SERPINB9: variants seen among roughly 807,000 people sequenced by gnomAD.
SERPINB9 encodes the protein serpin B9.
A neutral mutation model predicts 27.2 loss-of-function variants in SERPINB9; 20 were observed. The ratio of observed to expected loss-of-function variants is 0.74; its 90% CI spans 0.52 to 1.07. The LOEUF is 1.07. Among genes scored for constraint, SERPINB9 ranks in the 50% least tolerant of loss-of-function variants. SERPINB9 has a pLI of 0.00. For synonymous variants in SERPINB9, 189 were observed against 180.0 expected (o/e 1.05, Z -0.40); for missense variants, 476 against 460.1 (o/e 1.03, Z -0.32).
In SERPINB9 at chr6:2,887,380, CAA is replaced by C. The variant is rs916305239; in HGVS notation, c.*2781_*2782del. 7.2e-5 allele frequency: 11 copies of C among 151,918 alleles called. No homozygotes were observed. The highest frequency in any genetic ancestry group is 2.4e-4 in the African/African-American group (10 of 41,418). 9.4% of individuals were successfully genotyped at this position (151,918 alleles called of 1,614,324 possible). On this transcript the variant is annotated 3_prime_UTR_variant, in exon 7 of 7. Transcript: ENST00000380698. ...ACAGAGGGATAATATCTTTAATAGG[CAA>C]AGACATATGTAAAAACGAAGCAGAA...
In SERPINB9 at chr6:2,895,459, A is replaced by C; in HGVS notation, c.356T>G (p.Leu119Arg). 1 of 1,613,768 alleles carries C rather than the reference A, an allele frequency of 6.2e-7. No homozygotes were observed. Among genetic ancestry groups the C allele is most frequent in the Non-Finnish European group, 8.5e-7 (1 of 1,179,916 alleles). The change falls in exon 4 of 7, where the codon CTT becomes CGT. Residue 119 changes from leucine to arginine, a missense_variant. Transcript: ENST00000380698. ...CTCTTCTGCAGCTCTGATAAAGGAA[A>C]GCTCCTTCAGCTCAGCATGGTAGAA... ...LQFYHAELKE[L>R]SFIRAAEESR...
chr6:2,890,529 G>T lies in SERPINB9; in HGVS notation c.765C>A (p.Thr255=). 1.2e-6 allele frequency: 2 copies of T among 1,612,152 alleles called. No individual in the cohort carries two copies. Among genetic ancestry groups the T allele is most frequent in the Non-Finnish European group, 1.7e-6 (2 of 1,178,382 alleles). The change falls in exon 7 of 7, where the codon ACC becomes ACA. Residue 255 remains threonine (T), a synonymous_variant. Coordinates refer to ENST00000380698, the MANE Select transcript of SERPINB9 (RefSeq NM_004155.6). This position sits in a 1 kb window ranked among gnomAD's most constrained non-coding sequence, Gnocchi z 6.2. ...CAGTACTCTTCATACAGTCTGGCTT[G>T]GTCCAGGCTGTGAGTTTCTCAAAAG... ...SLTFEKLTAW[T]KPDCMKSTEV... is the part of the protein sequence containing the mutation.
intron 2 of SERPINB9, among the ~76,000 whole-genome samples, chr6:2,898,784 A>G (rs970401003): frequency 2.0e-5 from 3 of 151,840 alleles, no homozygotes; most frequent in Non-Finnish European, 4.4e-5. Context: ...ACTGCACTCC[A>G]GCCTGGGCGA....
chr6:2,893,221 A>ATAATAT (rs1373009283), intron 5 of SERPINB9, among the ~76,000 whole-genome samples, 190 bp downstream of exon 5: 1 of 141,198 alleles, frequency 7.1e-6, no homozygotes, highest in Admixed American at 7.3e-5. Context: ...ACGTATATAT[A>ATAATAT]ATATATATAT....
rs746560553 is a variant in SERPINB9, at chr6:2,901,820, C to A, written c.-10-1199G>T. ...TCTAATGCCCAGGCCCCCTCCCGAG[C>A]CTCTGGTCTCCCTAGAGCCACTCCC... On this transcript the variant is annotated intron_variant, in intron 1 of 6. Transcript: ENST00000380698. Among the ~76,000 whole-genome samples, 58 of 151,936 alleles carry A rather than the reference C, an allele frequency of 3.8e-4. 1 individual carries two copies. Among genetic ancestry groups the A allele is most frequent in the Non-Finnish European group, 2.9e-4 (20 of 67,958 alleles).
In SERPINB9 at chr6:2,897,123, CA is replaced by C. The variant is rs761775676; in HGVS notation, c.169-934del. Among the ~76,000 whole-genome samples the C allele has an allele frequency of 9.9e-3, 681 of 68,978 alleles. 2 individuals carry two copies. The highest frequency in any genetic ancestry group is 0.023 in the African/African-American group (499 of 21,986). The allele number at this position is 68,978 out of a possible 152,430, so 45.3% of individuals were successfully genotyped here. A position where few individuals can be genotyped will look rare whatever the true frequency, so the allele number is the denominator to read the frequency against. Reference sequence around the variant, plus strand: ...CCTAGGAGACAGAGCAAGACCATGTCAAAAAAAAAAAAAAAACACAAAAAAT... The same window carrying C: ...CCTAGGAGACAGAGCAAGACCATGTCAAAAAAAAAAAAAAACACAAAAAAT... On this transcript the variant is annotated intron_variant, in intron 2 of 6. Coordinates refer to ENST00000380698, the MANE Select transcript of SERPINB9 (RefSeq NM_004155.6).
At chr6:2,898,153 A>G (rs2113613688) in intron 2 of SERPINB9, among the ~76,000 whole-genome samples, 1 of 152,288 alleles carries the variant, frequency 6.6e-6, no homozygotes, top group East Asian at 1.9e-4. Flanking sequence ...AAAAAAAATA[A>G]GAGGGAGAGA....
chr6:2,896,497 G>C (rs1768004227), intron 2 of SERPINB9, among the ~76,000 whole-genome samples: 1 of 152,012 alleles, frequency 6.6e-6, no homozygotes, highest in South Asian at 2.1e-4. Flanking sequence ...AAAAATGCAT[G>C]GAAAAATAGA....
chr6:2,890,184 A>G lies in SERPINB9; in HGVS notation c.1110T>C (p.Cys370=), dbSNP rs140073247. 620 of 1,613,930 alleles carry G rather than the reference A, an allele frequency of 3.8e-4. 5 individuals carry two copies. In the African/African-American group the frequency reaches 7.8e-3, roughly 20 times the overall value. The change falls in exon 7 of 7, where the codon TGT becomes TGC. Residue 370 remains cysteine (C), a synonymous_variant. Transcript: ENST00000380698. The surrounding 1 kb of genome is among the most constrained non-coding windows in gnomAD (Gnocchi z 6.2). ...CCCTTTATGGCGATGAGAACCTGCC[A>G]CAGAACAGAATGCTGTTGGCTCTGT... ...RHNRANSILF[C]GRFSSP
In SERPINB9 at chr6:2,889,550, C is replaced by A. The variant is rs1767709476; in HGVS notation, c.*613G>T. On this transcript the variant is annotated 3_prime_UTR_variant, in exon 7 of 7. Transcript: ENST00000380698. ...CTCTACTAAAAATACAAAAAATTAG[C>A]CGGGCGTGGTGGCGGGCGCCTGTAG... 6.6e-6 allele frequency: 1 copy of A among 151,734 alleles called. No individual in the cohort carries two copies. The highest frequency in any genetic ancestry group is 1.5e-5 in the Non-Finnish European group (1 of 67,958). 9.4% of individuals were successfully genotyped at this position (151,734 alleles called of 1,614,324 possible).
In SERPINB9 at chr6:2,900,589, C is replaced by A; in HGVS notation, c.23G>T (p.Ser8Ile). 4 of 1,614,096 alleles carry A rather than the reference C, an allele frequency of 2.5e-6. No individual in the cohort carries two copies. The highest frequency in any genetic ancestry group is 1.7e-6 in the Non-Finnish European group (2 of 1,180,008). Residue 8 changes from serine (S) to isoleucine (I), a missense_variant, in exon 2 of 7, where the codon AGT (serine) becomes ATT (isoleucine). Coordinates refer to ENST00000380698, the MANE Select transcript of SERPINB9 (RefSeq NM_004155.6). ...TAAAAGGCGTATGGCAAAAGTACCA[C>A]TTGCATTAGAAAGAGTTTCCATGAT... Reference protein sequence around the residue: METLSNASGTFAIRLLKI... With the variant: METLSNAIGTFAIRLLKI...
In SERPINB9 at chr6:2,890,565, T is replaced by C. The variant is rs1432795239; in HGVS notation, c.729A>G (p.Glu243=). 6 of 1,606,336 alleles carry C rather than the reference T, an allele frequency of 3.7e-6. No homozygotes were observed. The highest frequency in any genetic ancestry group is 1.3e-5 in the African/African-American group (1 of 74,724). The part of the protein sequence containing the change: ...PDDGVELSTV[E]KSLTFEKLTA... ...TGAGTTTCTCAAAAGTGAGACTTTTTTCCACCTGAAAGACCAGAATTAGAC... is the reference window on the plus strand; with the variant it reads ...TGAGTTTCTCAAAAGTGAGACTTTTCTCCACCTGAAAGACCAGAATTAGAC... Residue 243 remains glutamate, a synonymous_variant, in exon 7 of 7, where the codon GAA becomes GAG. Coordinates refer to ENST00000380698, the MANE Select transcript of SERPINB9 (RefSeq NM_004155.6). The surrounding 1 kb of genome is among the most constrained non-coding windows in gnomAD (Gnocchi z 6.2).
chr6:2,895,456 GA>G lies in SERPINB9; in HGVS notation c.358del (p.Ser120ProfsTer68), dbSNP rs1476922852. ...GGACTCTTCTGCAGCTCTGATAAAGGAAAGCTCCTTCAGCTCAGCATGGTAG... is the reference window on the plus strand; with the variant it reads ...GGACTCTTCTGCAGCTCTGATAAAGGAAGCTCCTTCAGCTCAGCATGGTAG... ...QFYHAELKELSFIRAAEESRK... is the reference protein window; with the variant it reads ...QFYHAELKELXFIRAAEESRK... On this transcript the variant is annotated frameshift_variant, in exon 4 of 7. Coordinates refer to ENST00000380698, the MANE Select transcript of SERPINB9 (RefSeq NM_004155.6). LOFTEE classifies it high-confidence loss of function. 3 of 1,613,648 alleles carry G rather than the reference GA, an allele frequency of 1.9e-6. No individual in the cohort carries two copies. The African/African-American group carries it at 4.0e-5, about 22-fold the overall frequency.
chr6:2,892,855 G>A (rs1352905300), intron 5 of SERPINB9, among the ~76,000 whole-genome samples: 1 of 151,888 alleles, frequency 6.6e-6, no homozygotes, highest in South Asian at 2.1e-4. Flanking sequence ...TTACTTCAAT[G>A]TCAAAACTAA....
rs1480996963 is a variant in SERPINB9, at chr6:2,895,611, T to C, written c.307-103A>G. 4.1e-6 allele frequency: 3 copies of C among 735,958 alleles called. No individual in the cohort carries two copies. The East Asian group carries it at 8.1e-5, about 20-fold the overall frequency. 45.6% of individuals were successfully genotyped at this position (735,958 alleles called of 1,614,324 possible). On this transcript the variant is annotated intron_variant, in intron 3 of 6. Coordinates refer to ENST00000380698, the MANE Select transcript of SERPINB9 (RefSeq NM_004155.6). ...TTATCTTTTTTTAATAAAAAGAATATACATAACTCTTTAAAAGTGATCATA... is the reference window on the plus strand; with the variant it reads ...TTATCTTTTTTTAATAAAAAGAATACACATAACTCTTTAAAAGTGATCATA...
chr6:2,895,420 A>T lies in SERPINB9; in HGVS notation c.395T>A (p.Ile132Asn), dbSNP rs758948655. The change falls in exon 4 of 7, where the codon ATC (isoleucine) becomes AAC (asparagine). Residue 132 changes from isoleucine (I) to asparagine (N), a missense_variant. Ile to Asn is a moderately radical substitution (Grantham distance 149). Coordinates refer to ENST00000380698, the MANE Select transcript of SERPINB9 (RefSeq NM_004155.6). ...IRAAEESRKH[I>N]NTWVSKKTEG... is the part of the protein sequence containing the mutation. ...GGTCTTTTTTGAGACCCAGGTGTTG[A>T]TGTGTTTCCTGGACTCTTCTGCAGC... The T allele has an allele frequency of 6.2e-7, 1 of 1,612,914 alleles. No individual in the cohort carries two copies.
chr6:2,897,484 C>T (rs888150967), intron 2 of SERPINB9, among the ~76,000 whole-genome samples: 5 of 151,986 alleles, frequency 3.3e-5, no homozygotes, highest in Non-Finnish European at 5.9e-5. Context: ...AACAAACAAA[C>T]AAATTCTTCT....
In SERPINB9 at chr6:2,895,524, T is replaced by C; in HGVS notation, c.307-16A>G. The C allele has an allele frequency of 6.5e-7, 1 of 1,547,546 alleles. No homozygotes were observed. Among genetic ancestry groups the C allele is most frequent in the Non-Finnish European group, 8.9e-7 (1 of 1,122,260 alleles). ...CCTTAAACGTCTTTGGAGAGAAAAA[T>C]GTTCAGTGAGGCTGCATTGCTAAAT... is the stretch of plus-strand genomic sequence containing the variant. On this transcript the variant is annotated splice_polypyrimidine_tract_variant and intron_variant, in intron 3 of 6. Coordinates refer to ENST00000380698, the MANE Select transcript of SERPINB9 (RefSeq NM_004155.6).
Position 2,890,579 on chromosome 6 carries a change from C to G in SERPINB9, c.724-9G>C. The G allele has an allele frequency of 6.2e-7, 1 of 1,603,852 alleles. No individual in the cohort carries two copies. The highest frequency in any genetic ancestry group is 8.5e-7 in the Non-Finnish European group (1 of 1,172,736). ...GTGAGACTTTTTTCCACCTGAAAGA[C>G]CAGAATTAGACTTTAAGATTCCGAC... On this transcript the variant is annotated splice_polypyrimidine_tract_variant and intron_variant, in intron 6 of 6. Coordinates refer to ENST00000380698, the MANE Select transcript of SERPINB9 (RefSeq NM_004155.6). This position sits in a 1 kb window ranked among gnomAD's most constrained non-coding sequence, Gnocchi z 6.2.
Sources: allele counts gnomAD v4.1 joint callset (sites outside exome capture counted in the v4.1 genomes callset), GRCh38; gene constraint gnomAD v4.1.1; non-coding constraint Gnocchi (gnomAD v3.1); transcripts MANE v1.5; gene names NCBI Gene and HGNC (gene_info 2026-07-23, HGNC 2026-07-21).